The following EFNA5 variants were observed in gnomAD, a reference collection of about 807,000 sequenced individuals.
The protein encoded by EFNA5 is ephrin-A5.
Under a neutral mutation model 22.9 loss-of-function variants are expected in EFNA5, and 5 were observed. The ratio of observed to expected loss-of-function variants is 0.22; its 90% confidence interval spans 0.11 to 0.46. EFNA5 has a LOEUF of 0.46. Ranked by LOEUF, EFNA5 falls within the 20% of genes least tolerant of loss-of-function variation. EFNA5 has a pLI of 0.99. For missense variants in EFNA5, 237 were observed against 293.3 expected (o/e 0.81, Z 1.40); for synonymous variants, 113 against 112.2 (o/e 1.01, Z -0.04).
chr5:107,505,082 C>T (rs1299769236), intron 1 of EFNA5, among the ~76,000 whole-genome samples: 1 of 151,992 alleles, frequency 6.6e-6, no homozygotes, highest in Non-Finnish European at 1.5e-5. Flanking sequence ...AGAAAAGGTG[C>T]CTAACAAAAA....
intron 1 of EFNA5, among the ~76,000 whole-genome samples, chr5:107,557,956 T>C (rs1018299419): frequency 6.6e-6 from 1 of 152,128 alleles, no homozygotes; most frequent in African/African-American, 2.4e-5. Flanking sequence ...AGCACAAAAT[T>C]GCAATCATAT....
intron 1 of EFNA5, among the ~76,000 whole-genome samples, chr5:107,670,205 C>A (rs112641149): frequency 2.0e-5 from 3 of 152,108 alleles, no homozygotes; most frequent in African/African-American, 7.2e-5. Context: ...AGTCCCTACT[C>A]CCCGGCTCCC....
intron 1 of EFNA5, among the ~76,000 whole-genome samples, chr5:107,639,687 G>C (rs957898474): frequency 6.6e-6 from 1 of 152,068 alleles, no homozygotes; most frequent in Non-Finnish European, 1.5e-5. Context: ...TAATGGCATA[G>C]GTTAATAAGA....
intron 1 of EFNA5, among the ~76,000 whole-genome samples, chr5:107,661,783 T>A (rs1197961929): frequency 1.3e-5 from 2 of 152,188 alleles, no homozygotes; most frequent in Non-Finnish European, 2.9e-5. Context: ...AAGTTGTATA[T>A]CCCACTGACA....
chr5:107,665,077 T>A (rs1751039186), intron 1 of EFNA5, among the ~76,000 whole-genome samples: 1 of 152,154 alleles, frequency 6.6e-6, no homozygotes, highest in Admixed American at 6.5e-5. Context: ...CATATTCTCA[T>A]ATTTTGTTCA....
intron 1 of EFNA5, among the ~76,000 whole-genome samples, chr5:107,531,815 C>T (rs532450055): frequency 3.0e-4 from 45 of 152,326 alleles, no homozygotes; most frequent in East Asian, 1.9e-3. Context: ...GCTTATGCTA[C>T]AGAAATCTTG....
At chr5:107,642,342 AC>A (rs144119013) in intron 1 of EFNA5, among the ~76,000 whole-genome samples, 1,692 of 152,254 alleles carry the variant, frequency 0.011, 28 homozygotes, top group African/African-American at 0.037. Context: ...GGTTCTCACC[AC>A]AAAAAATAAG....
At chr5:107,551,071 C>T (rs569695174) in intron 1 of EFNA5, among the ~76,000 whole-genome samples, 1 of 152,256 alleles carries the variant, frequency 6.6e-6, no homozygotes, top group South Asian at 2.1e-4. Flanking sequence ...GACCTAAGAG[C>T]TTTTTATAGT....
intron 2 of EFNA5, among the ~76,000 whole-genome samples, chr5:107,408,593 T>G (rs1748282096): frequency 6.6e-6 from 1 of 152,226 alleles, no homozygotes; most frequent in Non-Finnish European, 1.5e-5. Context: ...TTCTTTCTAC[T>G]CCATTTCAGT....
chr5:107,499,380 G>T (rs1224074166), intron 1 of EFNA5, among the ~76,000 whole-genome samples: 1 of 152,184 alleles, frequency 6.6e-6, no homozygotes, highest in African/African-American at 2.4e-5. Flanking sequence ...TTCGGCAACT[G>T]TTGTTAATCC....
At chr5:107,599,913 A>C (rs7734574) in intron 1 of EFNA5, among the ~76,000 whole-genome samples, 64,351 of 152,074 alleles carry the variant, frequency 0.42, 14,241 homozygotes, top group Middle Eastern at 0.51. Context: ...AAAAACCTGA[A>C]AGTACCTGCT....
intron 1 of EFNA5, among the ~76,000 whole-genome samples, chr5:107,547,541 A>T (rs1748191141): frequency 6.8e-6 from 1 of 146,012 alleles, no homozygotes; most frequent in Admixed American, 6.7e-5. Context: ...AAAAAAAAAA[A>T]TACAAGCCTA....
At chr5:107,516,438 C>T (rs1017747026) in intron 1 of EFNA5, among the ~76,000 whole-genome samples, 1 of 152,064 alleles carries the variant, frequency 6.6e-6, no homozygotes, top group Admixed American at 6.6e-5. Flanking sequence ...ATGACTTGGG[C>T]TTGTGTCTAT....
chr5:107,407,875 A>T (rs756009678), intron 2 of EFNA5, among the ~76,000 whole-genome samples: 2 of 152,166 alleles, frequency 1.3e-5, no homozygotes, highest in Non-Finnish European at 2.9e-5. Flanking sequence ...CATAGTTATG[A>T]TTTATTTTTT....
chr5:107,657,332 T>G (rs577162991), intron 1 of EFNA5, among the ~76,000 whole-genome samples: 31 of 152,250 alleles, frequency 2.0e-4, no homozygotes, highest in African/African-American at 7.0e-4. Flanking sequence ...AGGAGCCACT[T>G]AAGTTCACAC....
intron 1 of EFNA5, among the ~76,000 whole-genome samples, chr5:107,429,529 C>T (rs1394707150): frequency 1.3e-5 from 2 of 152,176 alleles, no homozygotes; most frequent in Non-Finnish European, 1.5e-5. Flanking sequence ...TTCCGAGAGA[C>T]AACATTGTGA....
At chr5:107,643,469 A>G (rs1433053729) in intron 1 of EFNA5, among the ~76,000 whole-genome samples, 1 of 152,128 alleles carries the variant, frequency 6.6e-6, no homozygotes, top group Non-Finnish European at 1.5e-5. Flanking sequence ...GTGATCTGCC[A>G]TCTGCAGCAC....
intron 1 of EFNA5, among the ~76,000 whole-genome samples, chr5:107,432,250 T>C (rs1286683849): frequency 6.6e-6 from 1 of 152,210 alleles, no homozygotes; most frequent in African/African-American, 2.4e-5. Context: ...CAGCAGCCAT[T>C]CACATAAAGG....
At chr5:107,441,223 T>C (rs761564321) in intron 1 of EFNA5, among the ~76,000 whole-genome samples, 1 of 152,104 alleles carries the variant, frequency 6.6e-6, no homozygotes. Flanking sequence ...CCCTAAGTCA[T>C]GGTCACTGAA....
Sources: allele counts gnomAD v4.1 joint callset (sites outside exome capture counted in the v4.1 genomes callset), GRCh38; gene constraint gnomAD v4.1.1; transcripts MANE v1.5; gene names NCBI Gene and HGNC (gene_info 2026-07-23, HGNC 2026-07-21).